Variants in WDHD1 observed in about 807,000 individuals in gnomAD.
WDHD1 encodes WD repeat and HMG-box DNA binding protein 1, also known as WD repeat and HMG-box DNA-binding protein 1.
WDHD1 carries 111 observed loss-of-function variants against 135.4 expected under a neutral mutation model. That is an observed-to-expected ratio of 0.82 (90% CI 0.70 to 0.96). WDHD1 has a LOEUF of 0.96. WDHD1 is among the 40% of genes least tolerant of loss of function. WDHD1 has a pLI of 0.00. For synonymous variants in WDHD1, 434 were observed against 439.0 expected (o/e 0.99, Z 0.14); for missense variants, 1,351 against 1,336.3 (o/e 1.01, Z -0.17).
chr14:54,958,650 A>C (rs955468644), intron 21 of WDHD1, among the ~76,000 whole-genome samples: 1 of 152,092 alleles, frequency 6.6e-6, no homozygotes, highest in Admixed American at 6.5e-5. Context: ...TTACTTCTTG[A>C]TACTTTGTCC....
chr14:55,011,825 T>C (rs528131504), intron 3 of WDHD1, among the ~76,000 whole-genome samples: 1 of 152,116 alleles, frequency 6.6e-6, no homozygotes, highest in Non-Finnish European at 1.5e-5. Flanking sequence ...TATTCCATTA[T>C]ATGGCTCCAC....
At position 54,984,831 on chromosome 14, in the gene WDHD1, C is replaced by T. The variant is rs762854516; in HGVS notation, c.1798G>A (p.Gly600Arg). 2 of 1,613,060 alleles carry T rather than the reference C, an allele frequency of 1.2e-6. No individual in the cohort carries two copies. Among genetic ancestry groups the T allele is most frequent in the Non-Finnish European group, 8.5e-7 (1 of 1,179,602 alleles). Residue 600 changes from glycine to arginine, a missense_variant, in exon 15 of 26, where the codon GGA (glycine) becomes AGA (arginine). Physicochemically the swap from Gly to Arg is moderately radical, Grantham distance 125. This residue lies in a region of WDHD1 where 1,330 missense variants were observed against 1,296.1 expected (regional missense o/e 1.03). Transcript: ENST00000360586. ...GTGFDGDQCL[G>R]VQLLELGKKK... Reference sequence around the variant, plus strand: ...TTCCCCAGCTCTAGCAGTTGAACTCCAAGGCACTGATCCCCATCAAATCCT... The same window carrying T: ...TTCCCCAGCTCTAGCAGTTGAACTCTAAGGCACTGATCCCCATCAAATCCT...
chr14:55,000,369 G>A, intron 10 of WDHD1, 134 bp downstream of exon 10: 2 of 917,950 alleles, frequency 2.2e-6, no homozygotes, highest in South Asian at 4.4e-5. Flanking sequence ...TCTTACTATA[G>A]ATTACTACTC....
At chr14:54,968,797 T>C (rs994867194) in intron 16 of WDHD1, among the ~76,000 whole-genome samples, 1 of 152,130 alleles carries the variant, frequency 6.6e-6, no homozygotes, top group Admixed American at 6.6e-5. Context: ...TCCCAATACT[T>C]TTGGAGGCAA....
Position 55,000,922 on chromosome 14 carries a change from A to G in WDHD1, c.764T>C (p.Ile255Thr), listed in dbSNP as rs1201104826. The G allele has an allele frequency of 1.9e-6, 3 of 1,590,244 alleles. No homozygotes were observed. Among genetic ancestry groups the G allele is most frequent in the Non-Finnish European group, 2.6e-6 (3 of 1,169,596 alleles). ...LAAGSINGLI[I>T]VWNVETKDCM... ...GTCTTTGGTTTCCACATTCCAAACT[A>G]TGATTAGACCATTAATACTACCTGC... is the stretch of plus-strand genomic sequence containing the variant. The change falls in exon 9 of 26, where the codon ATA (isoleucine) becomes ACA (threonine). Residue 255 changes from isoleucine to threonine, a missense_variant. Coordinates refer to ENST00000360586, the MANE Select transcript of WDHD1 (RefSeq NM_007086.4).
intron 16 of WDHD1, among the ~76,000 whole-genome samples, chr14:54,980,509 T>C (rs2041599735): frequency 6.6e-6 from 1 of 151,832 alleles, no homozygotes; most frequent in South Asian, 2.1e-4. Flanking sequence ...CACGGATCAA[T>C]ATAAAATACT....
At chr14:54,984,911 A>G (rs1164076792) in intron 14 of WDHD1, 51 bp from the exon 15 acceptor site, 1 of 1,585,458 alleles carries the variant, frequency 6.3e-7, no homozygotes, top group South Asian at 1.2e-5. Flanking sequence ...ATCCAACTAT[A>G]ACGCAGTCTA....
intron 2 of WDHD1, among the ~76,000 whole-genome samples, chr14:55,024,292 G>A (rs376902095): frequency 1.4e-3 from 206 of 152,148 alleles, no homozygotes; most frequent in African/African-American, 4.4e-3. Flanking sequence ...ACATCCAAAC[G>A]CAAACTCAAT....
Position 55,007,288 on chromosome 14 carries a change from T to A in WDHD1, c.592A>T (p.Ser198Cys). 5 of 1,587,086 alleles carry A rather than the reference T, an allele frequency of 3.2e-6. No homozygotes were observed. The highest frequency in any genetic ancestry group is 1.7e-4 in the Middle Eastern group (1 of 5,954). Residue 198 changes from serine to cysteine, a missense_variant, in exon 7 of 26, where the codon AGT becomes TGT. Transcript: ENST00000360586. Reference protein sequence around the residue: ...SICRLAWQPKSGKLLAIPVEK... With the variant: ...SICRLAWQPKCGKLLAIPVEK... ...AAATAAGAATCACTTACCTTCCCAC[T>A]TTTTGGCTGCCAAGCAAGTCTGCAG... is the stretch of plus-strand genomic sequence containing the variant.
chr14:55,023,769 T>C (rs574599952), intron 2 of WDHD1, among the ~76,000 whole-genome samples: 6 of 152,306 alleles, frequency 3.9e-5, no homozygotes, highest in Middle Eastern at 3.4e-3. Context: ...CTTACCGAAA[T>C]AGCAACAGGA....
chr14:54,966,059 T>A (rs927477800), intron 18 of WDHD1, among the ~76,000 whole-genome samples: 1 of 148,948 alleles, frequency 6.7e-6, no homozygotes, highest in Non-Finnish European at 1.5e-5. Context: ...CTGGGTGTGG[T>A]GGCTCACACC....
At chr14:54,955,428 G>A (rs2041136471) in intron 24 of WDHD1, 133 bp downstream of exon 24, 1 of 758,126 alleles carries the variant, frequency 1.3e-6, no homozygotes. Flanking sequence ...ATAGTCACAA[G>A]TGTCCAGAAT....
chr14:55,015,369 G>A (rs1001138555), intron 2 of WDHD1, among the ~76,000 whole-genome samples: 23 of 96,306 alleles, frequency 2.4e-4, no homozygotes, highest in Admixed American at 1.1e-3. Flanking sequence ...GAAACAGCAT[G>A]ACACTGTCTC....
At chr14:54,996,061 A>G (rs1417235058) in intron 10 of WDHD1, among the ~76,000 whole-genome samples, 1 of 152,216 alleles carries the variant, frequency 6.6e-6, no homozygotes, top group Non-Finnish European at 1.5e-5. Flanking sequence ...ACATGTAAAC[A>G]AATACTGTAT....
Position 54,941,650 on chromosome 14 carries a change from C to T in WDHD1, c.3230G>A (p.Gly1077Glu), listed in dbSNP as rs202029430. Residue 1077 changes from glycine (G) to glutamate (E), a missense_variant, in exon 26 of 26, where the codon GGA (glycine) becomes GAA (glutamate). Transcript: ENST00000360586. The part of the protein sequence containing the change: ...NKAKGETASE[G>E]TEAKKRKRVV... ...ACGTTTTCGCTTCTTTGCTTCAGTT[C>T]CTTCACTTGCCGTTTCTCCTTTGGC... The T allele has an allele frequency of 1.4e-3, 2,338 of 1,613,862 alleles. 50 individuals are homozygous for T. The South Asian group carries it at 0.024, about 17-fold the overall frequency.
chr14:54,996,466 G>A (rs1009371800), intron 10 of WDHD1, among the ~76,000 whole-genome samples: 1 of 152,094 alleles, frequency 6.6e-6, no homozygotes, highest in Non-Finnish European at 1.5e-5. Context: ...CAGGCATGGT[G>A]GCATGTGTCT....
chr14:54,978,936 A>G (rs1159211303), intron 16 of WDHD1, among the ~76,000 whole-genome samples: 1 of 151,860 alleles, frequency 6.6e-6, no homozygotes, highest in Non-Finnish European at 1.5e-5. Context: ...TGAAATGTCT[A>G]TTTTCCTATT....
intron 16 of WDHD1, among the ~76,000 whole-genome samples, chr14:54,968,788 C>T (rs1267611249): frequency 4.6e-5 from 7 of 152,158 alleles, no homozygotes; most frequent in Admixed American, 1.3e-4. Flanking sequence ...CACCTGTAAT[C>T]CCAATACTTT....
intron 25 of WDHD1, among the ~76,000 whole-genome samples, chr14:54,943,070 G>C (rs1469402557): frequency 6.6e-6 from 1 of 152,218 alleles, no homozygotes; most frequent in Non-Finnish European, 1.5e-5. Context: ...ACCAAAGCAA[G>C]TATCTACGTT....
Sources: allele counts gnomAD v4.1 joint callset (sites outside exome capture counted in the v4.1 genomes callset), GRCh38; gene constraint gnomAD v4.1.1; regional missense constraint gnomAD v4.1.1; transcripts MANE v1.5; gene names NCBI Gene and HGNC (gene_info 2026-07-23, HGNC 2026-07-21).